The following SCN10A variants were observed in gnomAD, a reference collection of about 807,000 sequenced individuals.
SCN10A encodes the protein sodium voltage-gated channel alpha subunit 10.
A neutral mutation model predicts 170.7 loss-of-function variants in SCN10A; 162 were observed. The ratio of observed to expected loss-of-function variants is 0.95; its 90% confidence interval spans 0.84 to 1.08. The LOEUF (loss-of-function observed/expected upper bound fraction) is 1.08. SCN10A is among the 50% of genes least tolerant of loss of function. The pLI, the probability that SCN10A is intolerant of heterozygous loss-of-function variation, is 0.00. For synonymous variants in SCN10A, 985 were observed against 904.6 expected (o/e 1.09, Z -1.59); for missense variants, 2,527 against 2,436.9 (o/e 1.04, Z -0.78).
chr3:38,764,030 G>A (rs1410528712), intron 5 of SCN10A, among the ~76,000 whole-genome samples: 1 of 152,166 alleles, frequency 6.6e-6, no homozygotes, highest in Non-Finnish European at 1.5e-5. Context: ...CCCCGAAGCG[G>A]TACTCTGTGG....
At chr3:38,807,952 C>G (rs1056969176) in intron 1 of SCN10A, among the ~76,000 whole-genome samples, 9 of 152,146 alleles carry the variant, frequency 5.9e-5, no homozygotes, top group Non-Finnish European at 1.2e-4. Flanking sequence ...TTTTTGCCTA[C>G]TTTCATAGCA....
At chr3:38,783,102 C>A (rs1017706486) in intron 4 of SCN10A, among the ~76,000 whole-genome samples, 1 of 152,108 alleles carries the variant, frequency 6.6e-6, no homozygotes, top group Non-Finnish European at 1.5e-5. Context: ...AGTTCTACCA[C>A]TTAAGGGCTC....
intron 15 of SCN10A, among the ~76,000 whole-genome samples, chr3:38,729,948 C>T (rs1032390092): frequency 3.3e-5 from 5 of 152,156 alleles, no homozygotes; most frequent in South Asian, 2.1e-4. Flanking sequence ...AGCGGGTCCA[C>T]GTTCACCTTA....
chr3:38,763,368 T>C, intron 6 of SCN10A, 137 bp downstream of exon 6: 1 of 716,894 alleles, frequency 1.4e-6, no homozygotes, highest in Non-Finnish European at 2.5e-6. Flanking sequence ...ATGTTTCCTA[T>C]ACTCCAGGCC....
intron 3 of SCN10A, among the ~76,000 whole-genome samples, chr3:38,791,165 G>T (rs1049650250): frequency 3.9e-5 from 6 of 152,166 alleles, no homozygotes. Context: ...ACTGAGGCAG[G>T]TGTATTCTTG....
In SCN10A at chr3:38,697,915, C is replaced by G. The variant is rs1285380450; in HGVS notation, c.5305G>C (p.Asp1769His). ...ITFSALSDFA[D>H]TLSGPLRIPK... ...ATTCTCAGGGGACCAGAGAGAGTGT[C>G]TGCAAAGTCCGAGAGAGCAGAAAAG... Residue 1769 changes from aspartate (D) to histidine (H), a missense_variant, in exon 28 of 28, where the codon GAC (aspartate) becomes CAC (histidine). Physicochemically the swap from Asp to His is moderately conservative, Grantham distance 81 (BLOSUM62 -1). Coordinates refer to ENST00000449082, the MANE Select transcript of SCN10A (RefSeq NM_006514.4). 1 of 1,614,112 alleles carries G rather than the reference C, an allele frequency of 6.2e-7. No homozygotes were observed. Among genetic ancestry groups the G allele is most frequent in the Non-Finnish European group, 8.5e-7 (1 of 1,180,032 alleles).
At chr3:38,797,490 A>G (rs752022386) in intron 1 of SCN10A, among the ~76,000 whole-genome samples, 2 of 152,174 alleles carry the variant, frequency 1.3e-5, no homozygotes, top group Admixed American at 1.3e-4. Flanking sequence ...CCTACATTAC[A>G]TAATTGAACA....
Position 38,754,547 on chromosome 3 carries a change from A to G in SCN10A, c.1461+1241T>C, listed in dbSNP as rs527925946. 7.2e-5 allele frequency among the ~76,000 whole-genome samples: 11 copies of G among 152,332 alleles called. No individual in the cohort carries two copies. In the South Asian group the frequency reaches 2.3e-3, roughly 32 times the overall value. ...GTGTGGGGCTGACAGAATGGGGGAA[A>G]TTAAAGCCCAATTCAGTGTCATTGA... On this transcript the variant is annotated intron_variant, in intron 11 of 27. Transcript: ENST00000449082.
Position 38,723,476 on chromosome 3 carries a change from A to T in SCN10A, c.3306T>A (p.Pro1102=). 6.2e-7 allele frequency: 1 copy of T among 1,614,122 alleles called. No individual in the cohort carries two copies. Among genetic ancestry groups the T allele is most frequent in the Non-Finnish European group, 8.5e-7 (1 of 1,179,976 alleles). ...GTTCTTCCAGGTCATCTGCCAGCTC[A>T]GGGATCTTCCTCAGGATTTCCTCAG... ...LDPEEILRKI[P]ELADDLEEPD... The change falls in exon 19 of 28, where the codon CCT becomes CCA. Residue 1102 remains proline (P), a synonymous_variant. Coordinates refer to ENST00000449082, the MANE Select transcript of SCN10A (RefSeq NM_006514.4).
chr3:38,736,962 C>CGTTTTTTTTTTT (rs2063568093), intron 15 of SCN10A, among the ~76,000 whole-genome samples: 1 of 69,254 alleles, frequency 1.4e-5, no homozygotes, highest in African/African-American at 5.2e-5. Context: ...CAGAAATGTT[C>CGTTTTTTTTTTT]GTTTTTTTTT....
chr3:38,724,312 C>T (rs1345389185), intron 18 of SCN10A, among the ~76,000 whole-genome samples: 1 of 152,216 alleles, frequency 6.6e-6, no homozygotes, highest in Non-Finnish European at 1.5e-5. Context: ...ATTATGACTT[C>T]CTTATCTCTG....
chr3:38,739,940 T>A (rs2063613431), intron 14 of SCN10A, among the ~76,000 whole-genome samples: 4 of 152,182 alleles, frequency 2.6e-5, no homozygotes, highest in Admixed American at 2.6e-4. Flanking sequence ...GGGAGTGGAA[T>A]AAGCGGATAG....
chr3:38,810,807 T>G (rs541618139), intron 1 of SCN10A, among the ~76,000 whole-genome samples: 127 of 152,298 alleles, frequency 8.3e-4, no homozygotes, highest in Middle Eastern at 3.4e-3. Context: ...ATAGTCTCAT[T>G]AGGTAAAAAT....
chr3:38,708,344 C>T, intron 25 of SCN10A, among the ~76,000 whole-genome samples: 1 of 152,158 alleles, frequency 6.6e-6, no homozygotes, highest in Admixed American at 6.5e-5. Flanking sequence ...CCTTCCGTTA[C>T]CTAATATCTC....
At chr3:38,748,157 C>A (rs987901814) in intron 13 of SCN10A, among the ~76,000 whole-genome samples, 7 of 151,958 alleles carry the variant, frequency 4.6e-5, no homozygotes, top group Non-Finnish European at 1.0e-4. Flanking sequence ...TGACTAATAG[C>A]AAAACAAAAA....
chr3:38,812,263 A>G (rs937553085), intron 1 of SCN10A, among the ~76,000 whole-genome samples: 8 of 152,216 alleles, frequency 5.3e-5, no homozygotes, highest in African/African-American at 1.9e-4. Flanking sequence ...TCCTCACACA[A>G]TCATAGGAGC....
rs908964539 is a variant in SCN10A, at chr3:38,780,488, T to C, written c.470+8468A>G. ...CATGACAGATTTGCTTAGTCTTAGCTTGTTTATATTATTTCATATGACGTA... is the reference window on the plus strand; with the variant it reads ...CATGACAGATTTGCTTAGTCTTAGCCTGTTTATATTATTTCATATGACGTA... On this transcript the variant is annotated intron_variant, in intron 4 of 27. Coordinates refer to ENST00000449082, the MANE Select transcript of SCN10A (RefSeq NM_006514.4). Among the ~76,000 whole-genome samples, 7 of 152,248 alleles carry C rather than the reference T, an allele frequency of 4.6e-5. No individual in the cohort carries two copies. The East Asian group carries it at 1.4e-3, about 29-fold the overall frequency.
rs568041807 is a variant in SCN10A, at chr3:38,752,102, A to T, written c.1755+117T>A. 10 of 810,186 alleles carry T rather than the reference A, an allele frequency of 1.2e-5. No individual in the cohort carries two copies. In the East Asian group the frequency reaches 3.0e-4, roughly 24 times the overall value. 50.2% of individuals were successfully genotyped at this position (810,186 alleles called of 1,614,324 possible). ...TCTGTAAAAAAGGAGTAGAATGGGGAGGCATTGGACAGGATGATGGCTAAA... is the reference window on the plus strand; with the variant it reads ...TCTGTAAAAAAGGAGTAGAATGGGGTGGCATTGGACAGGATGATGGCTAAA... On this transcript the variant is annotated intron_variant, in intron 12 of 27. Coordinates refer to ENST00000449082, the MANE Select transcript of SCN10A (RefSeq NM_006514.4).
chr3:38,719,393 T>A, intron 20 of SCN10A, among the ~76,000 whole-genome samples: 1 of 58,886 alleles, frequency 1.7e-5, no homozygotes, highest in African/African-American at 1.3e-4. Context: ...TTTTTTTTTT[T>A]TTTTTTTTTT....
Sources: allele counts gnomAD v4.1 joint callset (sites outside exome capture counted in the v4.1 genomes callset), GRCh38; gene constraint gnomAD v4.1.1; transcripts MANE v1.5; gene names NCBI Gene and HGNC (gene_info 2026-07-23, HGNC 2026-07-21).